The following AFF1 variants were observed in gnomAD, a reference collection of about 807,000 sequenced individuals.
AFF1 encodes AF4/FMR2 family member 1.
Under a neutral mutation model 121.7 loss-of-function variants are expected in AFF1, and 48 were observed. The observed-to-expected ratio is 0.39, with a 90% confidence interval of 0.31 to 0.50. AFF1 has a LOEUF of 0.50. AFF1 is among the 20% of genes least tolerant of loss of function. The probability of loss-of-function intolerance (pLI) is 0.76; values close to 1 mark genes in which losing one functional copy is unlikely to be tolerated. For missense variants in AFF1, 1,523 were observed against 1,511.7 expected (o/e 1.01, Z -0.12); for synonymous variants, 613 against 563.0 (o/e 1.09, Z -1.26).
chr4:86,936,029 C>T (rs1402783888), intron 1 of AFF1: 1 of 152,102 alleles, frequency 6.6e-6, no homozygotes, highest in East Asian at 1.9e-4. Context: ...TGCGACGGGC[C>T]TGCGGGCGGT....
At chr4:87,127,586 C>G in intron 15 of AFF1, 57 bp from the exon 16 acceptor site, 1 of 1,545,718 alleles carries the variant, frequency 6.5e-7, no homozygotes, top group East Asian at 2.2e-5. Context: ...CTTATCTTGC[C>G]CTAGTCTAGT....
intron 11 of AFF1, among the ~76,000 whole-genome samples, chr4:87,110,874 G>T (rs1243147959): frequency 6.6e-6 from 1 of 152,040 alleles, no homozygotes; most frequent in Non-Finnish European, 1.5e-5. Flanking sequence ...GCAGATTGGG[G>T]GTGGGATGAG....
chr4:87,076,723 T>TA (rs1000950653), intron 4 of AFF1, among the ~76,000 whole-genome samples: 3 of 152,224 alleles, frequency 2.0e-5, no homozygotes, highest in African/African-American at 7.2e-5. Flanking sequence ...TCCAGTGATT[T>TA]AAAAAAATGT....
At chr4:87,091,464 A>G (rs919799445) in intron 6 of AFF1, among the ~76,000 whole-genome samples, 8 of 152,244 alleles carry the variant, frequency 5.3e-5, no homozygotes, top group African/African-American at 1.9e-4. Context: ...AAATTAAAGC[A>G]CTAAGCTCTG....
chr4:87,132,182 G>C, intron 18 of AFF1, 89 bp from the exon 19 acceptor site: 2 of 1,473,916 alleles, frequency 1.4e-6, no homozygotes, highest in Non-Finnish European at 1.8e-6. Flanking sequence ...AGGCAAACCC[G>C]GTGTGTTCAT....
chr4:86,949,543 T>TATTA (rs57689861), intron 2 of AFF1: 8,482 of 159,874 alleles, frequency 0.053, 208 homozygotes, highest in Non-Finnish European at 0.071. Context: ...TATTATTTTT[T>TATTA]TTTTTTTTTT....
intron 17 of AFF1, 62 bp from the exon 18 acceptor site, chr4:87,131,731 A>T: frequency 7.6e-7 from 1 of 1,310,868 alleles, no homozygotes; most frequent in South Asian, 1.3e-5. Flanking sequence ...AAACAAGCAT[A>T]GTAAGTTGTA....
In AFF1 at chr4:87,114,545, C is replaced by T; in HGVS notation, c.1712C>T (p.Pro571Leu). 1.2e-6 allele frequency: 2 copies of T among 1,611,568 alleles called. No homozygotes were observed. The highest frequency in any genetic ancestry group is 2.2e-5 in the East Asian group (1 of 44,800). Reference protein sequence around the residue: ...QEHSESKDPPPKSSSKAPRAP... With the variant: ...QEHSESKDPPLKSSSKAPRAP... The stretch of plus-strand genomic sequence containing the variant: ...CATTCTGAATCCAAAGATCCTCCCC[C>T]TAAAAGCTCCAGCAAAGCCCCCCGG... Residue 571 changes from proline (P) to leucine (L), a missense_variant, in exon 12 of 21, where the codon CCT (proline) becomes CTT (leucine). By Grantham distance (98) the Pro-to-Leu change is moderately conservative. Coordinates refer to ENST00000395146, the MANE Select transcript of AFF1 (RefSeq NM_001166693.3).
intron 20 of AFF1, 110 bp downstream of exon 20, chr4:87,134,804 C>A: frequency 1.0e-6 from 1 of 958,158 alleles, no homozygotes; most frequent in Non-Finnish European, 1.5e-6. Flanking sequence ...GAATGTGTAG[C>A]TGTTTTACTT....
At chr4:87,097,599 T>C (rs965355446) in intron 8 of AFF1, among the ~76,000 whole-genome samples, 1 of 152,162 alleles carries the variant, frequency 6.6e-6, no homozygotes, top group African/African-American at 2.4e-5. Flanking sequence ...TTTGTGATGA[T>C]CCTAATAGAT....
chr4:87,066,848 G>C (rs145484616), intron 4 of AFF1, among the ~76,000 whole-genome samples: 5 of 152,226 alleles, frequency 3.3e-5, no homozygotes, highest in Non-Finnish European at 5.9e-5. Context: ...TCATCCCCTA[G>C]AGCCAGGATC....
intron 2 of AFF1, among the ~76,000 whole-genome samples, chr4:86,996,781 G>A (rs1217927934): frequency 3.9e-5 from 6 of 152,242 alleles, no homozygotes; most frequent in Non-Finnish European, 7.3e-5. Flanking sequence ...TAAACCCGAT[G>A]TGGCAGTATT....
intron 2 of AFF1, among the ~76,000 whole-genome samples, chr4:87,012,106 T>C (rs1457381436): frequency 6.6e-6 from 1 of 152,204 alleles, no homozygotes; most frequent in African/African-American, 2.4e-5. Flanking sequence ...TCCAAATCTA[T>C]TTTTTACATA....
At chr4:87,007,126 G>T (rs1484807397) in intron 2 of AFF1, 2 of 1,272,148 alleles carry the variant, frequency 1.6e-6, no homozygotes, top group Non-Finnish European at 2.0e-6. Flanking sequence ...GCTTGCCCCG[G>T]ATTCGGACGC....
At position 87,046,706 on chromosome 4, in the gene AFF1, T is replaced by C; in HGVS notation, c.171T>C (p.Gly57=). ...LFGEPYKTAK[G]DELSSRIQNM... is the part of the protein sequence containing the mutation. ...TCCTTTTTTTTCAGACAGCAAAAGG[T>C]GATGAGCTGTCTAGTCGAATACAGA... is the stretch of plus-strand genomic sequence containing the variant. The change falls in exon 4 of 21, where the codon GGT becomes GGC. Residue 57 remains glycine, a synonymous_variant. Coordinates refer to ENST00000395146, the MANE Select transcript of AFF1 (RefSeq NM_001166693.3). 6.2e-7 allele frequency: 1 copy of C among 1,608,638 alleles called. No homozygotes were observed. The highest frequency in any genetic ancestry group is 8.5e-7 in the Non-Finnish European group (1 of 1,176,016).
At chr4:86,974,816 G>A (rs1414377117) in intron 2 of AFF1, among the ~76,000 whole-genome samples, 1 of 152,154 alleles carries the variant, frequency 6.6e-6, no homozygotes, top group African/African-American at 2.4e-5. Flanking sequence ...AACGGGCGTC[G>A]TAATACAAAA....
intron 1 of AFF1, among the ~76,000 whole-genome samples, chr4:86,944,506 C>G (rs1332403229): frequency 1.3e-5 from 2 of 149,960 alleles, no homozygotes; most frequent in South Asian, 2.1e-4. Flanking sequence ...TCACGCTTGG[C>G]TAATTTTTTT....
chr4:87,094,844 A>G, intron 7 of AFF1, 71 bp from the exon 8 acceptor site: 1 of 1,497,300 alleles, frequency 6.7e-7, no homozygotes, highest in Non-Finnish European at 9.3e-7. Context: ...GGACCGACAT[A>G]AAAGAACTCA....
chr4:87,127,234 C>G (rs1046136862), intron 15 of AFF1, 117 bp downstream of exon 15: 3 of 863,384 alleles, frequency 3.5e-6, no homozygotes, highest in African/African-American at 1.7e-5. Context: ...GATCTTGGCT[C>G]ACTGCAACCT....
Sources: allele counts gnomAD v4.1 joint callset (sites outside exome capture counted in the v4.1 genomes callset), GRCh38; gene constraint gnomAD v4.1.1; transcripts MANE v1.5; gene names NCBI Gene and HGNC (gene_info 2026-07-23, HGNC 2026-07-21).